The following WDR70 variants were observed in gnomAD, a reference collection of about 807,000 sequenced individuals.
The protein encoded by WDR70 is WD repeat domain 70, also known as WD repeat-containing protein 70.
WDR70 carries 53 observed loss-of-function variants against 88.6 expected under a neutral mutation model. The ratio of observed to expected loss-of-function variants is 0.60; its 90% CI spans 0.48 to 0.75. WDR70 has a LOEUF of 0.75. Among genes scored for constraint, WDR70 ranks in the 30% least tolerant of loss-of-function variants. The pLI, the probability that WDR70 is intolerant of heterozygous loss-of-function variation, is 0.00. For missense variants in WDR70, 610 were observed against 823.2 expected (o/e 0.74, Z 3.17); for synonymous variants, 280 against 270.0 (o/e 1.04, Z -0.36).
chr5:37,463,955 G>A (rs1356063285), intron 7 of WDR70, among the ~76,000 whole-genome samples: 1 of 152,188 alleles, frequency 6.6e-6, no homozygotes, highest in African/African-American at 2.4e-5. Context: ...AATGTTAAAA[G>A]TGTTCCTATA....
chr5:37,686,356 C>T (rs1037849816), intron 10 of WDR70, among the ~76,000 whole-genome samples: 10 of 152,100 alleles, frequency 6.6e-5, no homozygotes, highest in African/African-American at 2.4e-4. Flanking sequence ...ACAGAGTTTT[C>T]TGTTGATAAT....
chr5:37,423,625 G>A (rs1330271233), intron 5 of WDR70, among the ~76,000 whole-genome samples: 3 of 144,446 alleles, frequency 2.1e-5, no homozygotes, highest in East Asian at 2.0e-4. Context: ...GTGCAGTGGC[G>A]CTATCTTGGC....
rs73065634 is a variant in WDR70, at chr5:37,687,083, T to C, written c.1093-10572T>C. 7.5e-3 allele frequency among the ~76,000 whole-genome samples: 1,139 copies of C among 152,158 alleles called. 16 individuals carry two copies. The highest frequency in any genetic ancestry group is 0.026 in the African/African-American group (1,070 of 41,472). ...ACAGCAGTTAAAGGACAAGTTGCAG[T>C]TTTAGATTCCCGACATTATGCCTGA... On this transcript the variant is annotated intron_variant, in intron 10 of 17. Coordinates refer to ENST00000265107, the MANE Select transcript of WDR70 (RefSeq NM_018034.4).
intron 8 of WDR70, among the ~76,000 whole-genome samples, chr5:37,509,111 C>T (rs571520653): frequency 1.3e-5 from 2 of 152,002 alleles, no homozygotes; most frequent in Non-Finnish European, 2.9e-5. Context: ...TCTTCTCTCT[C>T]TTTCTCTCCT....
At chr5:37,384,173 C>CTTTTT (rs57075180) in intron 3 of WDR70, among the ~76,000 whole-genome samples, 11 of 107,874 alleles carry the variant, frequency 1.0e-4, no homozygotes, top group African/African-American at 1.0e-4. Context: ...ACTTTCCCCC[C>CTTTTT]TTTTTTTTTT....
intron 9 of WDR70, among the ~76,000 whole-genome samples, chr5:37,557,961 T>TGAAAACTCTTCAAAGTA (rs1176435994): frequency 6.7e-6 from 1 of 148,286 alleles, no homozygotes; most frequent in Admixed American, 6.7e-5. Context: ...AAGAGTATTA[T>TGAAAACTCTTCAAAGTA]GTATATTTAT....
chr5:37,511,171 T>C (rs1448186816), intron 8 of WDR70, among the ~76,000 whole-genome samples: 1 of 152,232 alleles, frequency 6.6e-6, no homozygotes, highest in East Asian at 1.9e-4. Context: ...AATCAGTTAT[T>C]ACTGTGATGA....
At chr5:37,541,178 G>A (rs183315133) in intron 9 of WDR70, among the ~76,000 whole-genome samples, 1 of 152,320 alleles carries the variant, frequency 6.6e-6, no homozygotes, top group Non-Finnish European at 1.5e-5. Context: ...CACTGTGAGT[G>A]ACTTAACCCA....
intron 9 of WDR70, among the ~76,000 whole-genome samples, chr5:37,601,406 C>T (rs1237254196): frequency 6.6e-6 from 1 of 152,218 alleles, no homozygotes; most frequent in East Asian, 1.9e-4. Context: ...TCTTCATAAG[C>T]TGTTAGATTT....
At chr5:37,595,300 G>A (rs1743668683) in intron 9 of WDR70, among the ~76,000 whole-genome samples, 1 of 152,064 alleles carries the variant, frequency 6.6e-6, no homozygotes. Context: ...TTTTATTTCT[G>A]TTGACTAGCA....
chr5:37,388,882 G>A (rs1484933065), intron 3 of WDR70, among the ~76,000 whole-genome samples: 4 of 151,950 alleles, frequency 2.6e-5, no homozygotes, highest in African/African-American at 4.8e-5. Context: ...GTGAGACCCC[G>A]TCTCTATTAA....
intron 10 of WDR70, among the ~76,000 whole-genome samples, chr5:37,687,372 A>T (rs1439249652): frequency 6.6e-6 from 1 of 152,144 alleles, no homozygotes; most frequent in Non-Finnish European, 1.5e-5. Flanking sequence ...AAAATGAATT[A>T]ATTTTGAGTG....
intron 9 of WDR70, among the ~76,000 whole-genome samples, chr5:37,558,771 G>T (rs1445855542): frequency 2.0e-5 from 3 of 152,024 alleles, no homozygotes; most frequent in African/African-American, 7.3e-5. Flanking sequence ...GGGAAAGCAG[G>T]TTGGGTGGCT....
intron 7 of WDR70, among the ~76,000 whole-genome samples, chr5:37,461,049 G>A (rs1738983678): frequency 6.7e-6 from 1 of 148,330 alleles, no homozygotes; most frequent in Admixed American, 6.7e-5. Context: ...GGATGCATGT[G>A]TGTGTGCATA....
intron 9 of WDR70, among the ~76,000 whole-genome samples, chr5:37,551,768 G>GTTTTTT (rs1176757597): frequency 9.7e-5 from 9 of 92,756 alleles, no homozygotes; most frequent in African/African-American, 3.3e-4. Flanking sequence ...TCATTGTTTA[G>GTTTTTT]TTTTTTTTTT....
intron 7 of WDR70, among the ~76,000 whole-genome samples, chr5:37,463,227 G>A (rs1450792456): frequency 2.6e-5 from 4 of 151,806 alleles, no homozygotes; most frequent in African/African-American, 4.8e-5. Context: ...AGCTGAGATC[G>A]TGCCACTGCA....
intron 17 of WDR70, among the ~76,000 whole-genome samples, chr5:37,737,128 A>G (rs994377408): frequency 1.3e-5 from 2 of 152,160 alleles, no homozygotes; most frequent in African/African-American, 4.8e-5. Context: ...AGCAAGGTAT[A>G]TAATAATAAT....
At chr5:37,514,381 T>TATATATATCTATA (rs1158616139) in intron 8 of WDR70, among the ~76,000 whole-genome samples, 1 of 13,476 alleles carries the variant, frequency 7.4e-5, no homozygotes, top group Non-Finnish European at 5.0e-4. Context: ...TGTTTATGTA[T>TATATATATCTATA]TTTTTTTTCC....
intron 9 of WDR70, among the ~76,000 whole-genome samples, chr5:37,545,022 GT>G (rs1741943568): frequency 6.6e-6 from 1 of 152,112 alleles, no homozygotes; most frequent in South Asian, 2.1e-4. Context: ...AAAGTATACA[GT>G]TTCCTACATT....
Sources: gnomAD v4.1 joint callset for allele counts (sites outside exome capture counted in the v4.1 genomes callset) on GRCh38, gnomAD v4.1.1 for gene constraint, MANE v1.5 for transcripts, NCBI Gene and HGNC (gene_info 2026-07-23, HGNC 2026-07-21) for gene names.